The following SDF2 variants were observed in gnomAD, a reference collection of about 807,000 sequenced individuals.
SDF2 encodes the protein stromal cell-derived factor 2.
A neutral mutation model predicts 20.5 loss-of-function variants in SDF2; 12 were observed. The observed-to-expected ratio is 0.58, with a 90% CI of 0.37 to 0.95. SDF2 has a LOEUF of 0.95. SDF2 is among the 40% of genes least tolerant of loss of function. The pLI is 0.01. For synonymous variants in SDF2, 100 were observed against 101.0 expected (o/e 0.99, Z 0.06); for missense variants, 238 against 263.1 (o/e 0.90, Z 0.66).
chr17:28,648,914 G>A lies in SDF2; in HGVS notation c.*75C>T. The stretch of plus-strand genomic sequence containing the variant: ...ATGGCCACTGCCCAAGGAACTTGTG[G>A]CAGGGATCCCAAGGTGAGGCAGCAA... On this transcript the variant is annotated 3_prime_UTR_variant, in exon 3 of 3. Transcript: ENST00000247020. The A allele has an allele frequency of 6.7e-7, 1 of 1,484,818 alleles. No individual in the cohort carries two copies. The highest frequency in any genetic ancestry group is 9.3e-7 in the Non-Finnish European group (1 of 1,079,386). 92.0% of individuals were successfully genotyped at this position (1,484,818 alleles called of 1,614,324 possible). A position where few individuals can be genotyped will look rare whatever the true frequency, so the allele number is the denominator to read the frequency against.
intron 2 of SDF2, 33 bp downstream of exon 2, chr17:28,655,254 A>C: frequency 6.3e-7 from 1 of 1,599,906 alleles, no homozygotes; most frequent in Non-Finnish European, 8.6e-7. Context: ...TGAGTAATGC[A>C]GAGCAGCAAC....
intron 2 of SDF2, among the ~76,000 whole-genome samples, chr17:28,651,977 G>C (rs140218467): frequency 2.6e-5 from 4 of 152,262 alleles, no homozygotes; most frequent in East Asian, 3.9e-4. Context: ...AGGCTAGGAC[G>C]ATCTATGTGG....
chr17:28,655,807 A>G (rs892548960), intron 1 of SDF2: 11 of 350,872 alleles, frequency 3.1e-5, no homozygotes, highest in Non-Finnish European at 5.3e-5. Context: ...CCGAACACCA[A>G]ATCAACCCAA....
chr17:28,650,493 G>A (rs2071904829), intron 2 of SDF2, among the ~76,000 whole-genome samples: 1 of 150,274 alleles, frequency 6.7e-6, no homozygotes, highest in African/African-American at 2.5e-5. Flanking sequence ...CTTTTTAAGA[G>A]TTGGGATTGT....
At position 28,649,241 on chromosome 17, in the gene SDF2, A is replaced by G; in HGVS notation, c.384T>C (p.Asp128=). 1 of 1,614,136 alleles carries G rather than the reference A, an allele frequency of 6.2e-7. No individual in the cohort carries two copies. Among genetic ancestry groups the G allele is most frequent in the Non-Finnish European group, 8.5e-7 (1 of 1,180,028 alleles). ...VSAFGEEGEG[D]YLDDWTVLCN... The stretch of plus-strand genomic sequence containing the variant: ...AGAGCACTGTCCAGTCATCCAGATA[A>G]TCACCTTCACCTTCCTCACCAAAAG... Residue 128 remains aspartate, a synonymous_variant, in exon 3 of 3, where the codon GAT becomes GAC. Coordinates refer to ENST00000247020, the MANE Select transcript of SDF2 (RefSeq NM_006923.4).
chr17:28,651,437 G>A (rs1261461464), intron 2 of SDF2: 1 of 152,204 alleles, frequency 6.6e-6, no homozygotes, highest in Non-Finnish European at 1.5e-5. Context: ...GATTTTAAAT[G>A]ACCTGATGAC....
In SDF2 at chr17:28,655,237, C is replaced by A. The variant is rs1262753049; in HGVS notation, c.348+50G>T. The A allele has an allele frequency of 5.2e-6, 8 of 1,540,068 alleles. No homozygotes were observed. In the East Asian group the frequency reaches 1.8e-4, roughly 35 times the overall value. ...TTTAAGAACCAAGAGATCAAACAAG[C>A]ACCCACTGAGTAATGCAGAGCAGCA... is the stretch of plus-strand genomic sequence containing the variant. On this transcript the variant is annotated intron_variant, in intron 2 of 2. Coordinates refer to ENST00000247020, the MANE Select transcript of SDF2 (RefSeq NM_006923.4).
chr17:28,649,121 T>G lies in SDF2; in HGVS notation c.504A>C (p.Arg168=). 11 of 1,614,202 alleles carry G rather than the reference T, an allele frequency of 6.8e-6. No homozygotes were observed. Among genetic ancestry groups the G allele is most frequent in the Non-Finnish European group, 9.3e-6 (11 of 1,180,044 alleles). ...GCACCTCTTTTTGCCCACTGATAGG[T>G]CGACCATATTGTTCTCCTGTGACAG... is the stretch of plus-strand genomic sequence containing the variant. The part of the protein sequence containing the change: ...LLSVTGEQYG[R]PISGQKEVHG... Residue 168 remains arginine (R), a synonymous_variant, in exon 3 of 3, where the codon CGA becomes CGC. Transcript: ENST00000247020.
At chr17:28,652,835 T>A (rs903523668) in intron 2 of SDF2, among the ~76,000 whole-genome samples, 6 of 152,194 alleles carry the variant, frequency 3.9e-5, no homozygotes, top group African/African-American at 1.4e-4. Context: ...CAGGCACATA[T>A]ACACAAAAAC....
chr17:28,655,410 C>G lies in SDF2; in HGVS notation c.225G>C (p.Lys75Asn). ...TTCCCCTCTCACACACTGTGGCACT[C>G]TTCCCCCGTATCCTCCAGTAACTGT... The part of the protein sequence containing the change: ...DSNSYWRIRG[K>N]SATVCERGTP... Residue 75 changes from lysine to asparagine, a missense_variant, in exon 2 of 3, where the codon AAG becomes AAC. Physicochemically the swap from Lys to Asn is moderately conservative, Grantham distance 94. Coordinates refer to ENST00000247020, the MANE Select transcript of SDF2 (RefSeq NM_006923.4). 1 of 1,614,232 alleles carries G rather than the reference C, an allele frequency of 6.2e-7. No homozygotes were observed. The highest frequency in any genetic ancestry group is 8.5e-7 in the Non-Finnish European group (1 of 1,180,030).
intron 1 of SDF2, chr17:28,657,660 A>G (rs2071976451): frequency 6.6e-6 from 1 of 152,058 alleles, no homozygotes; most frequent in Non-Finnish European, 1.5e-5. Flanking sequence ...AGCCTCCCAA[A>G]GTGCTAGGAT....
At chr17:28,652,427 C>T (rs919911792) in intron 2 of SDF2, among the ~76,000 whole-genome samples, 1 of 152,134 alleles carries the variant, frequency 6.6e-6, no homozygotes, top group Non-Finnish European at 1.5e-5. Context: ...TCTCCTACCT[C>T]GGCCTCCCAA....
In SDF2 at chr17:28,649,068, T is replaced by G; in HGVS notation, c.557A>C (p.Asn186Thr). 1.2e-6 allele frequency: 2 copies of G among 1,614,260 alleles called. No homozygotes were observed. Among genetic ancestry groups the G allele is most frequent in the Non-Finnish European group, 1.7e-6 (2 of 1,180,050 alleles). The change falls in exon 3 of 3, where the codon AAC becomes ACC. Residue 186 changes from asparagine (N) to threonine (T), a missense_variant. Asn to Thr is a moderately conservative substitution (Grantham distance 65). Coordinates refer to ENST00000247020, the MANE Select transcript of SDF2 (RefSeq NM_006923.4). ...GATGCCTTCCATGGCTTTCCAGTAGTTGTTCTGACTTGGCTGGGCCATGCC... is the reference window on the plus strand; with the variant it reads ...GATGCCTTCCATGGCTTTCCAGTAGGTGTTCTGACTTGGCTGGGCCATGCC... ...VHGMAQPSQNNYWKAMEGIFM... is the reference protein window; with the variant it reads ...VHGMAQPSQNTYWKAMEGIFM...
intron 1 of SDF2, chr17:28,656,380 G>A (rs1398425151): frequency 6.6e-6 from 1 of 152,008 alleles, no homozygotes. Context: ...TTGAGCCCAG[G>A]AATTCAAGAC....
chr17:28,652,006 G>GA (rs1286770120), intron 2 of SDF2, among the ~76,000 whole-genome samples: 5 of 152,060 alleles, frequency 3.3e-5, no homozygotes, highest in African/African-American at 1.2e-4. Flanking sequence ...TACAGCTAAA[G>GA]ACATCAATAA....
intron 1 of SDF2, among the ~76,000 whole-genome samples, chr17:28,658,031 A>G (rs1476020363): frequency 6.6e-6 from 1 of 152,060 alleles, no homozygotes; most frequent in African/African-American, 2.4e-5. Context: ...TGACTTTATT[A>G]TATCTTTTTT....
At chr17:28,660,914 G>A (rs1351425124) in intron 1 of SDF2, 2 of 157,576 alleles carry the variant, frequency 1.3e-5, no homozygotes, top group Non-Finnish European at 1.4e-5. Flanking sequence ...AGGCAGATAA[G>A]ACTTTCTTTT....
At chr17:28,657,772 G>C (rs2071978415) in intron 1 of SDF2, 1 of 152,150 alleles carries the variant, frequency 6.6e-6, no homozygotes, top group African/African-American at 2.4e-5. Flanking sequence ...CCAGCACTTT[G>C]GGAGGTCAAG....
At position 28,661,844 on chromosome 17, in the gene SDF2, ACCC is replaced by A. The variant is rs1261868836; in HGVS notation, c.30_32del (p.Gly11del). On this transcript the variant is annotated inframe_deletion, in exon 1 of 3. Coordinates refer to ENST00000247020, the MANE Select transcript of SDF2 (RefSeq NM_006923.4). ...TGGACGCTCCCACAGCGCTCCACAA[ACCC>A]CCCAACAACAGCAGAGGTACTACAG... The A allele has an allele frequency of 1.9e-6, 3 of 1,613,648 alleles. No individual in the cohort carries two copies. The highest frequency in any genetic ancestry group is 2.2e-5 in the East Asian group (1 of 44,882).
Sources: allele counts gnomAD v4.1 joint callset (sites outside exome capture counted in the v4.1 genomes callset), GRCh38; gene constraint gnomAD v4.1.1; transcripts MANE v1.5; gene names NCBI Gene and HGNC (gene_info 2026-07-23, HGNC 2026-07-21).